The following RAPGEF6 variants were observed in gnomAD, a reference collection of about 807,000 sequenced individuals.
RAPGEF6 encodes Rap guanine nucleotide exchange factor 6, also known as PDZ domain containing guanine nucleotide exchange factor (GEF) 2.
Under a neutral mutation model 171.4 loss-of-function variants are expected in RAPGEF6, and 56 were observed. The ratio of observed to expected loss-of-function variants is 0.33; its 90% CI spans 0.26 to 0.41. The LOEUF is 0.41. Ranked by LOEUF, RAPGEF6 falls within the 10% of genes least tolerant of loss-of-function variation. RAPGEF6 has a pLI of 1.00. For synonymous variants in RAPGEF6, 692 were observed against 650.1 expected, an observed-to-expected ratio of 1.06 and a Z score of -0.98; for missense variants, 1,674 against 1,921.4, an observed-to-expected ratio of 0.87 and a Z score of 2.41.
chr5:131,426,651 C>T lies in RAPGEF6; in HGVS notation c.*615G>A, dbSNP rs974079122. The T allele has an allele frequency of 9.2e-5, 14 of 152,460 alleles. No individual in the cohort carries two copies. The highest frequency in any genetic ancestry group is 3.4e-4 in the African/African-American group (14 of 41,416). The allele number at this position is 152,460 out of a possible 1,614,324, so 9.4% of individuals were successfully genotyped here. ...GCTTCCTATTTCTCTCAAACTGAGA[C>T]CTACATTGCATTGGTGCTACAGATC... On this transcript the variant is annotated 3_prime_UTR_variant, in exon 28 of 28. Transcript: ENST00000509018.
intron 5 of RAPGEF6, among the ~76,000 whole-genome samples, chr5:131,560,837 G>A (rs1345731716): frequency 6.6e-6 from 1 of 152,226 alleles, no homozygotes; most frequent in African/African-American, 2.4e-5. Context: ...TGGTTATACA[G>A]ATGATCCAGT....
At chr5:131,437,148 A>G (rs922334195) in intron 24 of RAPGEF6, among the ~76,000 whole-genome samples, 9 of 152,260 alleles carry the variant, frequency 5.9e-5, no homozygotes, top group African/African-American at 2.2e-4. Flanking sequence ...GATAGTACAC[A>G]TGCAAGAACA....
chr5:131,627,010 TG>T (rs1358903846), intron 1 of RAPGEF6, among the ~76,000 whole-genome samples: 1 of 152,086 alleles, frequency 6.6e-6, no homozygotes, highest in African/African-American at 2.4e-5. Context: ...AGCAATAATT[TG>T]GGGGTAGAAA....
At chr5:131,561,646 A>T (rs1761607842) in intron 5 of RAPGEF6, among the ~76,000 whole-genome samples, 1 of 145,236 alleles carries the variant, frequency 6.9e-6, no homozygotes, top group African/African-American at 2.6e-5. Context: ...GGCACCAAGA[A>T]TGAAACTCTG....
At chr5:131,539,640 T>C (rs1264381838) in intron 6 of RAPGEF6, among the ~76,000 whole-genome samples, 5 of 152,160 alleles carry the variant, frequency 3.3e-5, no homozygotes, top group African/African-American at 9.7e-5. Context: ...GTCACACCCA[T>C]GGTCAAGTAA....
intron 6 of RAPGEF6, among the ~76,000 whole-genome samples, chr5:131,534,919 C>A (rs540921790): frequency 3.9e-5 from 6 of 152,070 alleles, no homozygotes; most frequent in Non-Finnish European, 8.8e-5. Context: ...AATTTTAATG[C>A]ACACCTTTCC....
At chr5:131,523,552 T>A (rs531219128) in intron 6 of RAPGEF6, among the ~76,000 whole-genome samples, 1 of 151,812 alleles carries the variant, frequency 6.6e-6, no homozygotes, top group Non-Finnish European at 1.5e-5. Flanking sequence ...AGAAGAGAAT[T>A]TGAAAAGTAA....
chr5:131,634,820 G>C, intron 1 of RAPGEF6, 142 bp downstream of exon 1: 1 of 992,438 alleles, frequency 1.0e-6, no homozygotes, highest in East Asian at 2.6e-5. Context: ...AAGGGCCTGG[G>C]TCAGGGAAGA....
intron 24 of RAPGEF6, among the ~76,000 whole-genome samples, chr5:131,437,567 T>C (rs558780940): frequency 2.8e-4 from 42 of 152,314 alleles, no homozygotes; most frequent in African/African-American, 7.5e-4. Flanking sequence ...AAGGGGCGCA[T>C]TGGATAGGAC....
chr5:131,575,665 G>C (rs1337784733), intron 4 of RAPGEF6, among the ~76,000 whole-genome samples: 1 of 152,116 alleles, frequency 6.6e-6, no homozygotes, highest in South Asian at 2.1e-4. Flanking sequence ...CAGACCCTAA[G>C]TCCTTTCCCC....
chr5:131,547,914 ATTATATAT>A, intron 6 of RAPGEF6, 125 bp downstream of exon 6: 1 of 902,554 alleles, frequency 1.1e-6, no homozygotes, highest in African/African-American at 1.7e-5. Context: ...ATTTAAAAAG[ATTATATAT>A]TTACCTGCCC....
intron 22 of RAPGEF6, 139 bp from the exon 23 acceptor site, chr5:131,442,676 T>C (rs1227659684): frequency 7.5e-7 from 1 of 1,325,144 alleles, no homozygotes; most frequent in East Asian, 2.5e-5. Context: ...TAGCAGGAAT[T>C]TCAGTTAAGT....
chr5:131,490,216 A>G (rs139869251), intron 14 of RAPGEF6, among the ~76,000 whole-genome samples: 2 of 152,338 alleles, frequency 1.3e-5, no homozygotes, highest in East Asian at 3.9e-4. Context: ...TCAGAATCAT[A>G]GAAGCAGTTT....
chr5:131,511,896 T>C (rs1456592445), intron 7 of RAPGEF6, among the ~76,000 whole-genome samples: 1 of 152,168 alleles, frequency 6.6e-6, no homozygotes, highest in East Asian at 1.9e-4. Context: ...GTAAACTAAG[T>C]TAGAAAGAGC....
intron 17 of RAPGEF6, among the ~76,000 whole-genome samples, chr5:131,465,919 A>T (rs907117345): frequency 6.6e-6 from 1 of 152,160 alleles, no homozygotes; most frequent in Admixed American, 6.5e-5. Flanking sequence ...CCTTCTTAGC[A>T]TTATGGACAC....
chr5:131,601,771 C>T (rs1285274739), intron 3 of RAPGEF6, among the ~76,000 whole-genome samples: 5 of 152,142 alleles, frequency 3.3e-5, no homozygotes, highest in Non-Finnish European at 7.4e-5. Context: ...CAGTGGCTCA[C>T]GCCTGTAATC....
At chr5:131,429,346 G>A in intron 26 of RAPGEF6, 130 bp from the exon 27 acceptor site, 5 of 786,132 alleles carry the variant, frequency 6.4e-6, no homozygotes, top group Non-Finnish European at 5.9e-6. Context: ...CTTGAATGAT[G>A]GCAGATCAAA....
intron 5 of RAPGEF6, among the ~76,000 whole-genome samples, chr5:131,561,240 C>T (rs1318106005): frequency 6.6e-6 from 1 of 152,140 alleles, no homozygotes; most frequent in Admixed American, 6.5e-5. Context: ...AAAATACTAA[C>T]ACCATTTCTT....
intron 1 of RAPGEF6, among the ~76,000 whole-genome samples, chr5:131,634,347 T>C (rs2149495711): frequency 6.6e-6 from 1 of 152,334 alleles, no homozygotes; most frequent in East Asian, 1.9e-4. Context: ...AAAAATCTTT[T>C]AAGCTGATGC....
Sources: gnomAD v4.1 joint callset for allele counts (sites outside exome capture counted in the v4.1 genomes callset) on GRCh38, gnomAD v4.1.1 for gene constraint, MANE v1.5 for transcripts, NCBI Gene and HGNC (gene_info 2026-07-23, HGNC 2026-07-21) for gene names.